The following GALK2 variants were observed in gnomAD, a reference collection of about 807,000 sequenced individuals.
GALK2 encodes the protein N-acetylgalactosamine kinase.
Under a neutral mutation model 52.4 loss-of-function variants are expected in GALK2, and 36 were observed. That is an observed-to-expected ratio of 0.69 (90% CI 0.53 to 0.91). The LOEUF (loss-of-function observed/expected upper bound fraction) is 0.91. Among genes scored for constraint, GALK2 ranks in the 40% least tolerant of loss-of-function variants. The pLI is 0.00. For synonymous variants in GALK2, 176 were observed against 199.1 expected (o/e 0.88, Z 0.98); for missense variants, 579 against 559.1 (o/e 1.04, Z -0.36).
At chr15:49,332,900 G>A (rs549597826), downstream of GALK2, among the ~76,000 whole-genome samples, 282 of 152,184 alleles carry the variant, frequency 1.9e-3, no homozygotes, top group Non-Finnish European at 2.5e-3. Flanking sequence ...ACTGGTACAT[G>A]CCCCCTCACT....
At chr15:49,306,756 T>A (rs183663596) in intron 8 of GALK2, among the ~76,000 whole-genome samples, 2 of 152,336 alleles carry the variant, frequency 1.3e-5, no homozygotes, top group African/African-American at 4.8e-5. Context: ...TGAAATTGTT[T>A]CCTCTTTTCA....
intron 5 of GALK2, among the ~76,000 whole-genome samples, chr15:49,260,856 T>C (rs919250724): frequency 2.6e-5 from 4 of 152,192 alleles, no homozygotes; most frequent in Non-Finnish European, 5.9e-5. Context: ...TTCTCAGGTT[T>C]GTCAAATATC....
At chr15:49,198,910 T>C (rs1244340887) in intron 1 of GALK2, 1 of 138,014 alleles carries the variant, frequency 7.2e-6, no homozygotes, top group African/African-American at 2.7e-5. Context: ...AAAGACAAGG[T>C]CTCATGTTGC....
chr15:49,233,170 C>T (rs913184572), intron 3 of GALK2, among the ~76,000 whole-genome samples: 16 of 152,118 alleles, frequency 1.1e-4, no homozygotes, highest in African/African-American at 3.9e-4. Flanking sequence ...GGAAGCATGG[C>T]TAGGGAGGCC....
intron 1 of GALK2, chr15:49,156,047 AT>A: frequency 6.2e-7 from 1 of 1,612,386 alleles, no homozygotes; most frequent in Non-Finnish European, 8.5e-7. Flanking sequence ...GTACGTGTGC[AT>A]TTAGCCCACA....
chr15:49,279,563 G>A (rs911644561), intron 5 of GALK2, among the ~76,000 whole-genome samples: 1 of 152,144 alleles, frequency 6.6e-6, no homozygotes, highest in African/African-American at 2.4e-5. Flanking sequence ...GTCTATAATG[G>A]GGATAAGCAG....
intron 5 of GALK2, among the ~76,000 whole-genome samples, chr15:49,277,293 C>CAAGT (rs2031942188): frequency 7.2e-6 from 1 of 138,270 alleles, no homozygotes; most frequent in East Asian, 2.2e-4. Context: ...CTCAGCCTCC[C>CAAGT]AAGTAGCTGG....
intron 3 of GALK2, chr15:49,366,705 G>A: frequency 4.0e-5 from 54 of 1,344,752 alleles, no homozygotes; most frequent in Non-Finnish European, 5.7e-5. Flanking sequence ...GGTGGCGGGT[G>A]GGGTGGCGCG....
chr15:49,320,822 C>G (rs779757050), intron 9 of GALK2, among the ~76,000 whole-genome samples: 2 of 152,158 alleles, frequency 1.3e-5, no homozygotes, highest in Non-Finnish European at 2.9e-5. Flanking sequence ...TATCAAGGGC[C>G]TAGTATATGG....
chr15:49,325,574 C>A (rs1410769795), intron 9 of GALK2, among the ~76,000 whole-genome samples: 1 of 152,238 alleles, frequency 6.6e-6, no homozygotes, highest in Non-Finnish European at 1.5e-5. Flanking sequence ...CAGCAGGGAA[C>A]ACTGCAGACA....
intron 8 of GALK2, among the ~76,000 whole-genome samples, chr15:49,293,220 C>T (rs964977840): frequency 6.6e-6 from 1 of 152,220 alleles, no homozygotes; most frequent in Non-Finnish European, 1.5e-5. Flanking sequence ...ATTTCTGTCT[C>T]ATTCAGTTCA....
chr15:49,321,699 T>C (rs116462273), intron 9 of GALK2, among the ~76,000 whole-genome samples: 297 of 152,336 alleles, frequency 1.9e-3, no homozygotes, highest in African/African-American at 7.0e-3. Context: ...TATGAGTTCA[T>C]TGGAAAGCCT....
chr15:49,292,709 C>T (rs1434562062), intron 8 of GALK2, among the ~76,000 whole-genome samples, 172 bp downstream of exon 8: 1 of 152,190 alleles, frequency 6.6e-6, no homozygotes, highest in African/African-American at 2.4e-5. Context: ...TTCTTTCATT[C>T]ACCACTATGC....
At chr15:49,222,093 C>G (rs1035844872) in intron 3 of GALK2, among the ~76,000 whole-genome samples, 1 of 151,926 alleles carries the variant, frequency 6.6e-6, no homozygotes, top group African/African-American at 2.4e-5. Flanking sequence ...TCAGTGTTTT[C>G]TAGTTTTCCT....
In GALK2 at chr15:49,331,634, AT is replaced by A. The variant is rs2038773598; in HGVS notation, c.*3476del. ...GTAAAACAGATTTTCTTACATGTGC[AT>A]GTAGATGATTAAGTAACAAGAATGT... On this transcript the variant is annotated 3_prime_UTR_variant, in exon 10 of 10. Transcript: ENST00000560031. The A allele has an allele frequency of 1.7e-6, 1 of 601,296 alleles. No individual in the cohort carries two copies. Among genetic ancestry groups the A allele is most frequent in the African/African-American group, 1.9e-5 (1 of 53,932 alleles). The allele number at this position is 601,296 out of a possible 1,614,324, so 37.2% of individuals were successfully genotyped here. A position where few individuals can be genotyped will look rare whatever the true frequency, so the allele number is the denominator to read the frequency against.
chr15:49,194,805 G>C (rs1303294729), intron 1 of GALK2, among the ~76,000 whole-genome samples: 3 of 151,510 alleles, frequency 2.0e-5, no homozygotes, highest in Admixed American at 2.0e-4. Flanking sequence ...ATGTCGGTCA[G>C]GCTGGTCTTG....
intron 1 of GALK2, chr15:49,156,371 C>A: frequency 2.4e-6 from 1 of 409,556 alleles, no homozygotes; most frequent in Non-Finnish European, 4.7e-6. Context: ...TCAAGAGAAC[C>A]GAGCGGAAAG....
chr15:49,248,647 A>G (rs16962194), intron 5 of GALK2, among the ~76,000 whole-genome samples: 2,629 of 152,276 alleles, frequency 0.017, 95 homozygotes, highest in African/African-American at 0.061. Context: ...ATTAAAAGAG[A>G]TCCTCTGGTT....
intron 8 of GALK2, among the ~76,000 whole-genome samples, chr15:49,309,428 T>C (rs2141902783): frequency 6.6e-6 from 1 of 152,282 alleles, no homozygotes; most frequent in East Asian, 1.9e-4. Context: ...TACTATTTAG[T>C]GAATTTTTTC....
Sources: gnomAD v4.1 joint callset for allele counts (sites outside exome capture counted in the v4.1 genomes callset) on GRCh38, gnomAD v4.1.1 for gene constraint, MANE v1.5 for transcripts, NCBI Gene and HGNC (gene_info 2026-07-23, HGNC 2026-07-21) for gene names.